Variants in KCNQ5 observed in about 807,000 individuals in gnomAD.
KCNQ5 encodes the protein potassium voltage-gated channel subfamily Q member 5.
A neutral mutation model predicts 98.2 loss-of-function variants in KCNQ5; 30 were observed. The observed-to-expected ratio is 0.31, with a 90% confidence interval of 0.23 to 0.41. The LOEUF is 0.41. Ranked by LOEUF, KCNQ5 falls within the 10% of genes least tolerant of loss-of-function variation. The pLI, the probability that KCNQ5 is intolerant of heterozygous loss-of-function variation, is 1.00. For synonymous variants in KCNQ5, 458 were observed against 449.4 expected, an observed-to-expected ratio of 1.02 and a Z score of -0.24; for missense variants, 835 against 1,182.5, an observed-to-expected ratio of 0.71 and a Z score of 4.31.
chr6:72,809,692 A>G (rs1424755785), intron 1 of KCNQ5, among the ~76,000 whole-genome samples: 1 of 152,226 alleles, frequency 6.6e-6, no homozygotes, highest in Non-Finnish European at 1.5e-5. Context: ...CACATAGGGC[A>G]CTTCTCTACA....
At chr6:72,900,909 A>G (rs547083926) in intron 1 of KCNQ5, among the ~76,000 whole-genome samples, 46 of 151,914 alleles carry the variant, frequency 3.0e-4, no homozygotes, top group African/African-American at 1.1e-3. Context: ...AGCGATTTTG[A>G]GCATTTGTTC....
At chr6:72,840,774 G>C (rs1390031991) in intron 1 of KCNQ5, among the ~76,000 whole-genome samples, 1 of 152,176 alleles carries the variant, frequency 6.6e-6, no homozygotes, top group Non-Finnish European at 1.5e-5. Flanking sequence ...ATATAGGAAT[G>C]TATGAAGTTT....
chr6:73,149,293 C>CT (rs1488069148), intron 10 of KCNQ5, among the ~76,000 whole-genome samples: 5 of 152,174 alleles, frequency 3.3e-5, no homozygotes, highest in Non-Finnish European at 7.3e-5. Context: ...TTTCTTGAGC[C>CT]TTTTAGGTTT....
At chr6:73,193,495 A>AAAAT in intron 13 of KCNQ5, among the ~76,000 whole-genome samples, 1 of 148,988 alleles carries the variant, frequency 6.7e-6, no homozygotes, top group East Asian at 1.9e-4. Flanking sequence ...AAAATAAAAT[A>AAAAT]AAATAAAATA....
At chr6:72,988,533 C>A (rs902618454) in intron 1 of KCNQ5, among the ~76,000 whole-genome samples, 12 of 151,602 alleles carry the variant, frequency 7.9e-5, no homozygotes, top group African/African-American at 2.7e-4. Flanking sequence ...GGGCGTAGGT[C>A]AAAAAACTAC....
intron 10 of KCNQ5, among the ~76,000 whole-genome samples, chr6:73,150,553 A>G (rs771637269): frequency 6.7e-6 from 1 of 148,510 alleles, no homozygotes; most frequent in Non-Finnish European, 1.5e-5. Flanking sequence ...ATACAGCTGA[A>G]TAATATTCCG....
chr6:72,927,633 CTATT>C (rs1433539399), intron 1 of KCNQ5, among the ~76,000 whole-genome samples: 1 of 151,944 alleles, frequency 6.6e-6, no homozygotes, highest in Non-Finnish European at 1.5e-5. Flanking sequence ...GGAAAATAAA[CTATT>C]TAAAGATCAT....
intron 9 of KCNQ5, among the ~76,000 whole-genome samples, chr6:73,126,481 C>A (rs1461210710): frequency 6.6e-6 from 1 of 152,218 alleles, no homozygotes; most frequent in Non-Finnish European, 1.5e-5. Context: ...AGTCCAAAAA[C>A]AAGCTTCCTA....
At chr6:73,008,838 G>C (rs554161158) in intron 2 of KCNQ5, among the ~76,000 whole-genome samples, 2 of 152,200 alleles carry the variant, frequency 1.3e-5, no homozygotes, top group South Asian at 4.2e-4. Context: ...CATTATGTTA[G>C]CCCGCAAGTT....
chr6:73,067,317 T>A (rs1773097649), intron 3 of KCNQ5, among the ~76,000 whole-genome samples: 1 of 152,168 alleles, frequency 6.6e-6, no homozygotes, highest in African/African-American at 2.4e-5. Context: ...TTTCTTAGTA[T>A]CAAATTACTA....
intron 1 of KCNQ5, among the ~76,000 whole-genome samples, chr6:72,758,353 A>G (rs1002161949): frequency 4.6e-5 from 7 of 152,108 alleles, no homozygotes; most frequent in Non-Finnish European, 2.9e-5. Flanking sequence ...ACACTATGCT[A>G]TGTTAGAACT....
At chr6:72,633,719 C>T (rs116827158) in intron 1 of KCNQ5, among the ~76,000 whole-genome samples, 8,014 of 152,138 alleles carry the variant, frequency 0.053, 657 homozygotes, top group African/African-American at 0.18. Flanking sequence ...ATAGAAAATT[C>T]AGAAATAAAG....
intron 3 of KCNQ5, among the ~76,000 whole-genome samples, chr6:73,063,756 TAG>T: frequency 6.8e-6 from 1 of 147,994 alleles, no homozygotes; most frequent in African/African-American, 2.5e-5. Context: ...GATAGATAGA[TAG>T]ATAGATATAA....
chr6:73,075,653 A>C (rs1394620158), intron 3 of KCNQ5, among the ~76,000 whole-genome samples: 1 of 152,206 alleles, frequency 6.6e-6, no homozygotes. Flanking sequence ...CAACACATTT[A>C]GTTCCTTCTT....
intron 1 of KCNQ5, among the ~76,000 whole-genome samples, chr6:72,684,786 T>C (rs1411453706): frequency 6.6e-6 from 1 of 152,196 alleles, no homozygotes; most frequent in Non-Finnish European, 1.5e-5. Flanking sequence ...TTTGTTAATA[T>C]GAATTAATAA....
intron 1 of KCNQ5, chr6:72,676,990 G>A (rs994927405): frequency 6.6e-6 from 1 of 152,030 alleles, no homozygotes; most frequent in Non-Finnish European, 1.5e-5. Context: ...ATGTATGTAT[G>A]TTTCTATAAC....
At chr6:72,814,545 C>T (rs1262622067) in intron 1 of KCNQ5, among the ~76,000 whole-genome samples, 2 of 152,224 alleles carry the variant, frequency 1.3e-5, no homozygotes, top group Admixed American at 1.3e-4. Flanking sequence ...TCTTTTGCAA[C>T]TCTAACTGCA....
At chr6:72,633,159 A>T (rs889838617) in intron 1 of KCNQ5, among the ~76,000 whole-genome samples, 4 of 152,000 alleles carry the variant, frequency 2.6e-5, no homozygotes, top group African/African-American at 7.3e-5. Context: ...TGTGGTTTTG[A>T]TTTGAACTTC....
chr6:72,999,136 A>G (rs1180762306), intron 1 of KCNQ5, among the ~76,000 whole-genome samples: 2 of 152,170 alleles, frequency 1.3e-5, no homozygotes, highest in Admixed American at 1.3e-4. Context: ...TGCTTGATGC[A>G]CTAGTTCTGG....
Sources: allele counts gnomAD v4.1 joint callset (sites outside exome capture counted in the v4.1 genomes callset), GRCh38; gene constraint gnomAD v4.1.1; transcripts MANE v1.5; gene names NCBI Gene and HGNC (gene_info 2026-07-23, HGNC 2026-07-21).